The following LRBA variants were observed in gnomAD, a reference collection of about 807,000 sequenced individuals.
LRBA encodes LPS responsive beige-like anchor protein.
LRBA carries 176 observed loss-of-function variants against 330.0 expected under a neutral mutation model. The observed-to-expected ratio is 0.53, with a 90% CI of 0.47 to 0.60. LRBA has a LOEUF of 0.60. LRBA is among the 20% of genes least tolerant of loss of function. The pLI is 0.00. For missense variants in LRBA, 3,259 were observed against 3,444.8 expected (o/e 0.95, Z 1.35); for synonymous variants, 1,230 against 1,193.0 (o/e 1.03, Z -0.64).
At chr4:150,539,226 G>A (rs1005655875) in intron 40 of LRBA, among the ~76,000 whole-genome samples, 20 of 152,064 alleles carry the variant, frequency 1.3e-4, no homozygotes, top group Admixed American at 7.9e-4. Context: ...CGCCCGCTGC[G>A]GCCTCCCAAA....
At chr4:150,839,203 G>A (rs116343581) in intron 28 of LRBA, among the ~76,000 whole-genome samples, 19,957 of 152,066 alleles carry the variant, frequency 0.13, 2,779 homozygotes, top group African/African-American at 0.36. Context: ...ATCTCACACC[G>A]GTTTGAATGG....
intron 37 of LRBA, among the ~76,000 whole-genome samples, chr4:150,635,561 GAAC>G (rs1561451081): frequency 6.6e-6 from 1 of 152,056 alleles, no homozygotes; most frequent in Non-Finnish European, 1.5e-5. Context: ...TGTTGTATAT[GAAC>G]TTGTTAAATT....
intron 37 of LRBA, among the ~76,000 whole-genome samples, chr4:150,682,057 G>A (rs975622337): frequency 3.9e-4 from 60 of 152,222 alleles, no homozygotes; most frequent in African/African-American, 1.3e-3. Flanking sequence ...CTTGACATAA[G>A]TTATCTAAAT....
chr4:150,922,625 G>A (rs1160065868), intron 4 of LRBA, among the ~76,000 whole-genome samples: 1 of 151,956 alleles, frequency 6.6e-6, no homozygotes, highest in African/African-American at 2.4e-5. Context: ...GGTAAGAGTG[G>A]GAGGCGGGTG....
intron 40 of LRBA, chr4:150,581,804 T>C: frequency 6.5e-6 from 1 of 152,822 alleles, no homozygotes; most frequent in Non-Finnish European, 1.5e-5. Context: ...CGTGCCTGTC[T>C]TCTCTCTCGG....
chr4:150,546,290 T>C (rs933687447), intron 40 of LRBA, among the ~76,000 whole-genome samples: 4 of 152,198 alleles, frequency 2.6e-5, no homozygotes, highest in African/African-American at 4.8e-5. Context: ...TAGTATCATA[T>C]TTAAAACCAC....
chr4:151,011,897 T>C (rs1744892491), intron 2 of LRBA, among the ~76,000 whole-genome samples: 1 of 151,980 alleles, frequency 6.6e-6, no homozygotes, highest in African/African-American at 2.4e-5. Flanking sequence ...GTGCCCAGGC[T>C]GGTCTCAAAC....
chr4:150,598,969 A>C (rs1581780177), intron 38 of LRBA, 38 bp downstream of exon 38: 2 of 1,612,204 alleles, frequency 1.2e-6, no homozygotes, highest in East Asian at 4.5e-5. Context: ...CAAGTCCTGT[A>C]CCTGCTGCTA....
chr4:150,458,795 T>A (rs368560342), intron 44 of LRBA, among the ~76,000 whole-genome samples: 20 of 140,840 alleles, frequency 1.4e-4, no homozygotes, highest in South Asian at 2.2e-4. Flanking sequence ...TTTTTTTTTT[T>A]TTAAAAAAAC....
intron 37 of LRBA, among the ~76,000 whole-genome samples, chr4:150,620,650 T>C (rs1338426639): frequency 1.3e-5 from 2 of 152,198 alleles, no homozygotes; most frequent in Non-Finnish European, 2.9e-5. Context: ...ATAATGTCTT[T>C]TGCAACAACT....
At chr4:150,925,003 C>G (rs1485349533) in intron 4 of LRBA, among the ~76,000 whole-genome samples, 1 of 151,830 alleles carries the variant, frequency 6.6e-6, no homozygotes. Flanking sequence ...AACCCAGCCT[C>G]TAAAAGAAAT....
intron 42 of LRBA, among the ~76,000 whole-genome samples, chr4:150,485,881 C>T (rs961743350): frequency 1.3e-5 from 2 of 151,750 alleles, no homozygotes; most frequent in Non-Finnish European, 2.9e-5. Context: ...TTACCTTTAA[C>T]GTATAAATGT....
intron 48 of LRBA, among the ~76,000 whole-genome samples, chr4:150,339,009 G>A (rs912865278): frequency 6.6e-6 from 1 of 151,026 alleles, no homozygotes; most frequent in African/African-American, 2.4e-5. Flanking sequence ...AGTGAACCCA[G>A]AGTTCTAGAA....
rs566689324 is a variant in LRBA, at chr4:150,891,465, G to T, written c.2165+1587C>A. Among the ~76,000 whole-genome samples, 3 of 152,298 alleles carry T rather than the reference G, an allele frequency of 2.0e-5. No homozygotes were observed. In the South Asian group the frequency reaches 6.2e-4, roughly 32 times the overall value. On this transcript the variant is annotated intron_variant, in intron 17 of 56. Coordinates refer to ENST00000651943, the MANE Select transcript of LRBA (RefSeq NM_001364905.1). ...GATGTTTCTTTGAAGGTATTTTTTG[G>T]ATGAGATTAACATTTAAATAAGCAG...
intron 35 of LRBA, among the ~76,000 whole-genome samples, chr4:150,754,629 T>C (rs1414177384): frequency 6.6e-6 from 1 of 151,528 alleles, no homozygotes; most frequent in Non-Finnish European, 1.5e-5. Flanking sequence ...TCCAAACAAC[T>C]GTTTACAAGA....
intron 34 of LRBA, among the ~76,000 whole-genome samples, chr4:150,789,991 A>C (rs549708432): frequency 1.3e-5 from 2 of 152,312 alleles, no homozygotes; most frequent in African/African-American, 4.8e-5. Flanking sequence ...TTAAAAGACT[A>C]GTTGTAAAAC....
At chr4:150,548,456 A>G (rs1766123256) in intron 40 of LRBA, among the ~76,000 whole-genome samples, 1 of 152,190 alleles carries the variant, frequency 6.6e-6, no homozygotes. Flanking sequence ...ACTCTAAATT[A>G]ATCTCGCAAA....
intron 38 of LRBA, among the ~76,000 whole-genome samples, chr4:150,591,598 G>T (rs1285206253): frequency 1.3e-5 from 2 of 152,238 alleles, no homozygotes; most frequent in Non-Finnish European, 1.5e-5. Flanking sequence ...AAACTAAAGG[G>T]CTAAGGCACC....
chr4:150,495,769 C>T (rs564003918), intron 40 of LRBA, among the ~76,000 whole-genome samples: 34 of 152,120 alleles, frequency 2.2e-4, no homozygotes, highest in Non-Finnish European at 4.6e-4. Context: ...CACTGAAACT[C>T]TACATACACT....
Sources: gnomAD v4.1 joint callset for allele counts (sites outside exome capture counted in the v4.1 genomes callset) on GRCh38, gnomAD v4.1.1 for gene constraint, MANE v1.5 for transcripts, NCBI Gene and HGNC (gene_info 2026-07-23, HGNC 2026-07-21) for gene names.